The following SPEF2 variants were observed in gnomAD, a reference collection of about 807,000 sequenced individuals.
SPEF2 encodes sperm flagella and cilia-associated protein 2.
Under a neutral mutation model 224.6 loss-of-function variants are expected in SPEF2, and 187 were observed. The observed-to-expected ratio is 0.83, with a 90% CI of 0.74 to 0.94. The LOEUF (loss-of-function observed/expected upper bound fraction) is 0.94, where lower values mean the gene tolerates loss of function less well. Ranked by LOEUF, SPEF2 falls within the 40% of genes least tolerant of loss-of-function variation. SPEF2 has a pLI of 0.00. For missense variants in SPEF2, 2,170 were observed against 2,135.6 expected, an observed-to-expected ratio of 1.02 and a Z score of -0.32; for synonymous variants, 715 against 707.3, an observed-to-expected ratio of 1.01 and a Z score of -0.17.
At chr5:35,664,336 A>AAGAGAGAC (rs750826048) in intron 8 of SPEF2, among the ~76,000 whole-genome samples, 202 of 151,860 alleles carry the variant, frequency 1.3e-3, no homozygotes, top group Middle Eastern at 6.8e-3. Context: ...AGAAAGGGAA[A>AAGAGAGAC]AGAGAGACGA....
chr5:35,810,154 G>A (rs1308636319), intron 36 of SPEF2, among the ~76,000 whole-genome samples: 1 of 152,168 alleles, frequency 6.6e-6, no homozygotes, highest in Non-Finnish European at 1.5e-5. Context: ...ACCTTCAAGA[G>A]TTAGCCTTTC....
At chr5:35,733,052 C>G (rs944754705) in intron 21 of SPEF2, among the ~76,000 whole-genome samples, 5 of 151,968 alleles carry the variant, frequency 3.3e-5, no homozygotes, top group African/African-American at 1.2e-4. Context: ...GGGAACATAT[C>G]CCCCCCTGAC....
At chr5:35,658,581 C>T (rs1749271606) in intron 7 of SPEF2, among the ~76,000 whole-genome samples, 1 of 149,752 alleles carries the variant, frequency 6.7e-6, no homozygotes, top group South Asian at 2.1e-4. Flanking sequence ...AGTTATAGCA[C>T]TTATTTTTTT....
At chr5:35,807,026 T>C in intron 35 of SPEF2, 74 bp downstream of exon 35, 6 of 1,560,190 alleles carry the variant, frequency 3.8e-6, no homozygotes, top group Non-Finnish European at 5.2e-6. Flanking sequence ...TCAAAATATA[T>C]CATAGTATGA....
At chr5:35,647,920 G>A (rs969410633) in intron 5 of SPEF2, among the ~76,000 whole-genome samples, 1 of 152,098 alleles carries the variant, frequency 6.6e-6, no homozygotes, top group African/African-American at 2.4e-5. Context: ...GGAGAGCAAT[G>A]TTACAGTTCA....
intron 19 of SPEF2, chr5:35,710,683 G>C (rs1229756558): frequency 2.0e-6 from 2 of 985,206 alleles, no homozygotes; most frequent in Non-Finnish European, 2.4e-6. Context: ...TCCTCAGCTT[G>C]CTCCAGTCAA....
intron 29 of SPEF2, 30 bp from the exon 30 acceptor site, chr5:35,779,087 G>T (rs1267958868): frequency 6.5e-7 from 1 of 1,536,486 alleles, no homozygotes; most frequent in South Asian, 1.2e-5. Flanking sequence ...TCTTTCATGG[G>T]GTTAACGCTA....
chr5:35,806,984 T>A, intron 35 of SPEF2, 32 bp downstream of exon 35: 1 of 1,578,844 alleles, frequency 6.3e-7, no homozygotes, highest in Non-Finnish European at 8.6e-7. Context: ...AAAGTTGGCC[T>A]CAATTCTGAG....
At position 35,740,026 on chromosome 5, in the gene SPEF2, T is replaced by A. The variant is rs1328690611; in HGVS notation, c.3171T>A (p.Leu1057=). The A allele has an allele frequency of 6.2e-7, 1 of 1,614,020 alleles. No homozygotes were observed. Among genetic ancestry groups the A allele is most frequent in the Admixed American group, 1.7e-5 (1 of 60,004 alleles). The change falls in exon 22 of 37, where the codon CTT becomes CTA. Residue 1057 remains leucine, a synonymous_variant. Transcript: ENST00000356031. ...TGAGGGAAGACCAGCATACTGTGCT[T>A]GCTTACTTATATGAGATTAGGTAAG... is the stretch of plus-strand genomic sequence containing the variant. The part of the protein sequence containing the change: ...RHLREDQHTV[L]AYLYEIRTSF...
chr5:35,704,461 G>A (rs1239756939), intron 16 of SPEF2, 93 bp from the exon 17 acceptor site: 26 of 708,756 alleles, frequency 3.7e-5, no homozygotes, highest in Non-Finnish European at 5.3e-5. Flanking sequence ...ATACAGGACC[G>A]TATCTGTTTG....
chr5:35,764,272 TG>T (rs1464487239), intron 26 of SPEF2, among the ~76,000 whole-genome samples: 1 of 152,060 alleles, frequency 6.6e-6, no homozygotes, highest in African/African-American at 2.4e-5. Flanking sequence ...AAGTTACCTA[TG>T]GGGTAAGTAT....
At chr5:35,757,820 G>T (rs900127416) in intron 24 of SPEF2, among the ~76,000 whole-genome samples, 9 of 152,226 alleles carry the variant, frequency 5.9e-5, no homozygotes, top group Non-Finnish European at 8.8e-5. Flanking sequence ...TAAAATCCAA[G>T]GAGACTATTA....
In SPEF2 at chr5:35,648,171, G is replaced by A. The variant is rs539083402; in HGVS notation, c.727-1190G>A. Among the ~76,000 whole-genome samples the A allele has an allele frequency of 3.3e-5, 5 of 152,218 alleles. No homozygotes were observed. In the East Asian group the frequency reaches 9.6e-4, roughly 29 times the overall value. On this transcript the variant is annotated intron_variant, in intron 5 of 36. Transcript: ENST00000356031. Reference sequence around the variant, plus strand: ...CCAGAGAGTTGACATGTTTTACCCAGTGGTAGTAAAGCAGAGATTGACAGA... The same window carrying A: ...CCAGAGAGTTGACATGTTTTACCCAATGGTAGTAAAGCAGAGATTGACAGA...
At chr5:35,746,967 G>A (rs1243276323) in intron 23 of SPEF2, among the ~76,000 whole-genome samples, 2 of 152,176 alleles carry the variant, frequency 1.3e-5, no homozygotes, top group Admixed American at 6.5e-5. Flanking sequence ...ATTAACAGCT[G>A]ATTTCTCAGC....
At chr5:35,810,254 C>A (rs1317783482) in intron 36 of SPEF2, among the ~76,000 whole-genome samples, 1 of 152,144 alleles carries the variant, frequency 6.6e-6, no homozygotes, top group Non-Finnish European at 1.5e-5. Flanking sequence ...TCTTGTTGCC[C>A]AGGCTGGAGT....
At chr5:35,658,872 T>A (rs901016605) in intron 7 of SPEF2, 147 bp from the exon 8 acceptor site, 66 of 546,560 alleles carry the variant, frequency 1.2e-4, no homozygotes, top group Non-Finnish European at 1.7e-4. Context: ...ATAACATGAT[T>A]TTTTTTGCCA....
Position 35,646,666 on chromosome 5 carries a change from G to T in SPEF2, c.586-1G>T. ...TAAACTAATGTATATGGGATATTCA[G>T]CAATACTTAAACAGAAGACGACAAA... On this transcript the variant is annotated splice_acceptor_variant, in intron 4 of 36. Coordinates refer to ENST00000356031, the MANE Select transcript of SPEF2 (RefSeq NM_024867.4). LOFTEE classifies it high-confidence loss of function. 1 of 1,612,928 alleles carries T rather than the reference G, an allele frequency of 6.2e-7. No homozygotes were observed. Among genetic ancestry groups the T allele is most frequent in the South Asian group, 1.1e-5 (1 of 90,884 alleles).
chr5:35,674,769 G>A (rs1003772911), intron 10 of SPEF2, among the ~76,000 whole-genome samples: 1 of 152,042 alleles, frequency 6.6e-6, no homozygotes, highest in Non-Finnish European at 1.5e-5. Context: ...TCACATTGGA[G>A]GTTAGGGCTT....
chr5:35,779,279 A>T lies in SPEF2; in HGVS notation c.4380A>T (p.Glu1460Asp), dbSNP rs755550219. Residue 1460 changes from glutamate (E) to aspartate (D), a missense_variant, in exon 30 of 37, where the codon GAA (glutamate) becomes GAT (aspartate). Coordinates refer to ENST00000356031, the MANE Select transcript of SPEF2 (RefSeq NM_024867.4). ...GTCCTCCACCTGTAGAAAAGGAAGA[A>T]GATGGTACCCTGACCATTGAACAGC... ...SIRPPPVEKE[E>D]DGTLTIEQLD... 1 of 1,614,034 alleles carries T rather than the reference A, an allele frequency of 6.2e-7. No homozygotes were observed. The highest frequency in any genetic ancestry group is 1.7e-5 in the Admixed American group (1 of 60,018).
Sources: allele counts gnomAD v4.1 joint callset (sites outside exome capture counted in the v4.1 genomes callset), GRCh38; gene constraint gnomAD v4.1.1; transcripts MANE v1.5; gene names NCBI Gene and HGNC (gene_info 2026-07-23, HGNC 2026-07-21).